Variants in DNAJC30 observed in about 807,000 individuals in gnomAD.
The protein encoded by DNAJC30 is dnaJ homolog subfamily C member 30, mitochondrial.
A neutral mutation model predicts 15.4 loss-of-function variants in DNAJC30; 16 were observed. The observed-to-expected ratio is 1.04, with a 90% CI of 0.70 to 1.58. DNAJC30 has a LOEUF of 1.58. DNAJC30 is among the 40% of genes most tolerant of loss of function. The pLI is 0.00. For synonymous variants in DNAJC30, 161 were observed against 140.2 expected (o/e 1.15, Z -1.05); for missense variants, 352 against 320.9 (o/e 1.10, Z -0.74).
At position 73,682,784 on chromosome 7, in the gene DNAJC30, G is replaced by A. The variant is rs568368328; in HGVS notation, c.640C>T (p.Leu214Phe). 7 of 1,612,168 alleles carry A rather than the reference G, an allele frequency of 4.3e-6. No individual in the cohort carries two copies. The East Asian group carries it at 1.3e-4, about 31-fold the overall frequency. ...EDTRDTAAIF[L>F]IFSIFIIIGF... ...ATGATGATGAAGATTGAAAAGATGA[G>A]GAAAATGGCAGCCGTGTCTCGGGTA... is the stretch of plus-strand genomic sequence containing the variant. The change falls in exon 1 of 1, where the codon CTC (leucine) becomes TTC (phenylalanine). Residue 214 changes from leucine to phenylalanine, a missense_variant. Transcript: ENST00000395176.
chr7:73,682,649 A>G lies in DNAJC30; in HGVS notation c.*94T>C. 1 of 1,448,938 alleles carries G rather than the reference A, an allele frequency of 6.9e-7. No individual in the cohort carries two copies. Among genetic ancestry groups the G allele is most frequent in the South Asian group, 1.4e-5 (1 of 71,796 alleles). The allele number at this position is 1,448,938 out of a possible 1,614,324, so 89.8% of individuals were successfully genotyped here. Reference sequence around the variant, plus strand: ...GTACAGTTCCTTCGGATCCCAGCAAAGGTAGACTATCAATGGCCAAGGGTT... The same window carrying G: ...GTACAGTTCCTTCGGATCCCAGCAAGGGTAGACTATCAATGGCCAAGGGTT... On this transcript the variant is annotated 3_prime_UTR_variant, in exon 1 of 1. Coordinates refer to ENST00000395176, the MANE Select transcript of DNAJC30 (RefSeq NM_032317.3).
chr7:73,682,687 A>G lies in DNAJC30; in HGVS notation c.*56T>C, dbSNP rs1554611471. ...ATGGCCAAGGGTTCAGAGGCAGGAA[A>G]AAAGGCCGTTTCTGGGGGGTTGGCT... On this transcript the variant is annotated 3_prime_UTR_variant, in exon 1 of 1. Transcript: ENST00000395176. The G allele has an allele frequency of 1.3e-6, 2 of 1,541,068 alleles. No individual in the cohort carries two copies. The highest frequency in any genetic ancestry group is 1.2e-5 in the South Asian group (1 of 80,072).
At position 73,683,450 on chromosome 7, in the gene DNAJC30, A is replaced by G. The variant is rs1195369213; in HGVS notation, c.-27T>C. The G allele has an allele frequency of 1.2e-6, 2 of 1,607,904 alleles. No individual in the cohort carries two copies. The highest frequency in any genetic ancestry group is 1.7e-6 in the Non-Finnish European group (2 of 1,177,630). On this transcript the variant is annotated 5_prime_UTR_variant, in exon 1 of 1. Transcript: ENST00000395176. ...TTGAATTGATTCGGCAGGCGGTGCAAGAGAAACCGGCCAATGAGAGGAGTC... is the reference window on the plus strand; with the variant it reads ...TTGAATTGATTCGGCAGGCGGTGCAGGAGAAACCGGCCAATGAGAGGAGTC...
rs1554611717 is a variant in DNAJC30, at chr7:73,683,160, G to A, written c.264C>T (p.Ala88=). 6.2e-7 allele frequency: 1 copy of A among 1,614,172 alleles called. No homozygotes were observed. Among genetic ancestry groups the A allele is most frequent in the Non-Finnish European group, 8.5e-7 (1 of 1,180,032 alleles). The change falls in exon 1 of 1, where the codon GCC becomes GCT. Residue 88 remains alanine (A), a synonymous_variant. Transcript: ENST00000395176. ...PDRNSGSAEA[A]ERFTRISQAY... ...CCTGGGAGATGCGCGTGAAGCGCTC[G>A]GCGGCCTCCGCGCTCCCGGAGTTGC...
In DNAJC30 at chr7:73,682,809, A is replaced by G. The variant is rs1251255070; in HGVS notation, c.615T>C (p.Asp205=). 3.1e-6 allele frequency: 5 copies of G among 1,613,652 alleles called. No homozygotes were observed. The highest frequency in any genetic ancestry group is 3.4e-6 in the Non-Finnish European group (4 of 1,179,804). ...YRSMKGLRWE[D]TRDTAAIFLI... ...GGAAAATGGCAGCCGTGTCTCGGGT[A>G]TCCTCCCAGCGGAGGCCTTTCATGG... The change falls in exon 1 of 1, where the codon GAT becomes GAC. Residue 205 remains aspartate (D), a synonymous_variant. Transcript: ENST00000395176.
rs1797700770 is a variant in DNAJC30, at chr7:73,681,269, T to C, written c.*1474A>G. On this transcript the variant is annotated 3_prime_UTR_variant, in exon 1 of 1. Coordinates refer to ENST00000395176, the MANE Select transcript of DNAJC30 (RefSeq NM_032317.3). ...TCAGCAGCAGCTCTGACCAAAGTGA[T>C]GACCAACTACTTAACATGAATTAGA... is the stretch of plus-strand genomic sequence containing the variant. 6.6e-6 allele frequency: 1 copy of C among 152,232 alleles called. No homozygotes were observed. The highest frequency in any genetic ancestry group is 2.4e-5 in the African/African-American group (1 of 41,440). 9.4% of individuals were successfully genotyped at this position (152,232 alleles called of 1,614,324 possible).
chr7:73,682,957 C>T lies in DNAJC30; in HGVS notation c.467G>A (p.Gly156Asp), dbSNP rs1797761869. Residue 156 changes from glycine (G) to aspartate (D), a missense_variant, in exon 1 of 1, where the codon GGC becomes GAC. Gly to Asp is a moderately conservative substitution (Grantham distance 94). Transcript: ENST00000395176. Reference sequence around the variant, plus strand: ...AAAGTTGAACATCGTGCGGTTGGCGCCGGGGGAGGCCCGAGAACCGTCGTG... The same window carrying T: ...AAAGTTGAACATCGTGCGGTTGGCGTCGGGGGAGGCCCGAGAACCGTCGTG... ...RTHDGSRASP[G>D]ANRTMFNFDA... The T allele has an allele frequency of 1.2e-6, 2 of 1,609,346 alleles. No individual in the cohort carries two copies. Among genetic ancestry groups the T allele is most frequent in the South Asian group, 1.1e-5 (1 of 90,936 alleles).
chr7:73,683,172 G>T lies in DNAJC30; in HGVS notation c.252C>A (p.Ser84Arg). Residue 84 changes from serine to arginine, a missense_variant, in exon 1 of 1, where the codon AGC (serine) becomes AGA (arginine). Ser to Arg is a moderately radical substitution (Grantham distance 110, BLOSUM62 -1). Coordinates refer to ENST00000395176, the MANE Select transcript of DNAJC30 (RefSeq NM_032317.3). The stretch of plus-strand genomic sequence containing the variant: ...GCGTGAAGCGCTCGGCGGCCTCCGC[G>T]CTCCCGGAGTTGCGGTCCGGGTGGT... Reference protein sequence around the residue: ...FLYHPDRNSGSAEAAERFTRI... With the variant: ...FLYHPDRNSGRAEAAERFTRI... The T allele has an allele frequency of 6.2e-7, 1 of 1,614,198 alleles. No homozygotes were observed. The highest frequency in any genetic ancestry group is 8.5e-7 in the Non-Finnish European group (1 of 1,180,044).
In DNAJC30 at chr7:73,682,856, G is replaced by A. The variant is rs1233196079; in HGVS notation, c.568C>T (p.Arg190Cys). The A allele has an allele frequency of 4.3e-6, 7 of 1,613,958 alleles. No individual in the cohort carries two copies. The highest frequency in any genetic ancestry group is 5.9e-6 in the Non-Finnish European group (7 of 1,180,052). ...RRLRARREALRKRQEYRSMKG... is the reference protein window; with the variant it reads ...RRLRARREALCKRQEYRSMKG... ...ATGGACCGATACTCCTGCCGTTTGC[G>A]AAGGGCCTCCCGCCGGGCCCTCAGG... The change falls in exon 1 of 1, where the codon CGC becomes TGC. Residue 190 changes from arginine to cysteine, a missense_variant. By Grantham distance (180) the Arg-to-Cys change is radical. Coordinates refer to ENST00000395176, the MANE Select transcript of DNAJC30 (RefSeq NM_032317.3).
rs1554611623 is a variant in DNAJC30 at position 73,682,978 on chromosome 7, T to C, written c.446A>G (p.Asp149Gly). 5 of 1,603,628 alleles carry C rather than the reference T, an allele frequency of 3.1e-6. No individual in the cohort carries two copies. Among genetic ancestry groups the C allele is most frequent in the Non-Finnish European group, 4.3e-6 (5 of 1,173,460 alleles). The change falls in exon 1 of 1, where the codon GAC (aspartate) becomes GGC (glycine). Residue 149 changes from aspartate to glycine, a missense_variant. Transcript: ENST00000395176. ...GGCGCCGGGGGAGGCCCGAGAACCG[T>C]CGTGGGTCCGAGAGGTGGGCGGCGG... ...RTPPPTSRTH[D>G]GSRASPGANR...
rs1307527767 is a variant in DNAJC30 at position 73,683,021 on chromosome 7, G to A, written c.403C>T (p.Pro135Ser). ...GGCGGCGGGGTACGCGGCGAGCCGG[G>A]GTCGGGTGCGGGCGTCCTGGAGGGC... ...VRPSRTPAPD[P>S]GSPRTPPPTS... is the part of the protein sequence containing the mutation. Residue 135 changes from proline to serine, a missense_variant, in exon 1 of 1, where the codon CCC becomes TCC. Coordinates refer to ENST00000395176, the MANE Select transcript of DNAJC30 (RefSeq NM_032317.3). 4 of 1,587,908 alleles carry A rather than the reference G, an allele frequency of 2.5e-6. No individual in the cohort carries two copies. Among genetic ancestry groups the A allele is most frequent in the Non-Finnish European group, 2.6e-6 (3 of 1,165,112 alleles).
At position 73,683,427 on chromosome 7, in the gene DNAJC30, G is replaced by C. The variant is rs1166604204; in HGVS notation, c.-4C>G. Reference sequence around the variant, plus strand: ...ATCGCCAGCGCATGGCTGCCATGTTGAATTGATTCGGCAGGCGGTGCAAGA... The same window carrying C: ...ATCGCCAGCGCATGGCTGCCATGTTCAATTGATTCGGCAGGCGGTGCAAGA... On this transcript the variant is annotated 5_prime_UTR_variant, in exon 1 of 1. Coordinates refer to ENST00000395176, the MANE Select transcript of DNAJC30 (RefSeq NM_032317.3). 1 of 1,610,084 alleles carries C rather than the reference G, an allele frequency of 6.2e-7. No individual in the cohort carries two copies. The highest frequency in any genetic ancestry group is 8.5e-7 in the Non-Finnish European group (1 of 1,178,116).
Position 73,682,857 on chromosome 7 carries a change from A to AAG in DNAJC30, c.565_566dup (p.Arg190PhefsTer10). On this transcript the variant is annotated frameshift_variant, in exon 1 of 1. Transcript: ENST00000395176. LOFTEE classifies it high-confidence loss of function. ...TGGACCGATACTCCTGCCGTTTGCG[A>AAG]AGGGCCTCCCGCCGGGCCCTCAGGC... is the stretch of plus-strand genomic sequence containing the variant. 6.2e-7 allele frequency: 1 copy of AAG among 1,614,068 alleles called. No individual in the cohort carries two copies. Among genetic ancestry groups the AAG allele is most frequent in the Non-Finnish European group, 8.5e-7 (1 of 1,180,042 alleles).
At position 73,683,377 on chromosome 7, in the gene DNAJC30, C is replaced by A. The variant is rs372802796; in HGVS notation, c.47G>T (p.Arg16Met). 11 of 1,612,910 alleles carry A rather than the reference C, an allele frequency of 6.8e-6. No individual in the cohort carries two copies. Among genetic ancestry groups the A allele is most frequent in the African/African-American group, 6.7e-5 (5 of 74,962 alleles). ...TGGAAAGCCACGGGCCTGCAGCAAC[C>A]TCCAAGGTAACAGCCGCTGCCACCA... ...WRWWQRLLPW[R>M]LLQARGFPQN... The change falls in exon 1 of 1, where the codon AGG becomes ATG. Residue 16 changes from arginine (R) to methionine (M), a missense_variant. Arg to Met is a moderately conservative substitution (Grantham distance 91). Transcript: ENST00000395176.
chr7:73,682,901 G>A lies in DNAJC30; in HGVS notation c.523C>T (p.Gln175Ter). 4 of 1,614,114 alleles carry A rather than the reference G, an allele frequency of 2.5e-6. No homozygotes were observed. The South Asian group carries it at 4.4e-5, about 18-fold the overall frequency. The change falls in exon 1 of 1, where the codon CAA (glutamine) becomes TAA (stop). Residue 175 changes from glutamine (Q) to a stop codon, truncating the protein, a stop_gained. Transcript: ENST00000395176. LOFTEE classifies it high-confidence loss of function. ...CTCAGGCGCCGTTCCCGCTCCAGTT[G>A]TTCCCCGTAGTGGGCCTGGTAGAAG... ...DAFYQAHYGE[Q>*]LERERRLRAR...
chr7:73,682,849 C>T lies in DNAJC30; in HGVS notation c.575G>A (p.Arg192Gln), dbSNP rs1276001598. 6.2e-7 allele frequency: 1 copy of T among 1,614,018 alleles called. No individual in the cohort carries two copies. The highest frequency in any genetic ancestry group is 1.3e-5 in the African/African-American group (1 of 74,962). The change falls in exon 1 of 1, where the codon CGG becomes CAG. Residue 192 changes from arginine (R) to glutamine (Q), a missense_variant. Transcript: ENST00000395176. The part of the protein sequence containing the change: ...LRARREALRK[R>Q]QEYRSMKGLR... ...GCCTTTCATGGACCGATACTCCTGC[C>T]GTTTGCGAAGGGCCTCCCGCCGGGC...
Position 73,681,497 on chromosome 7 carries a change from G to C in DNAJC30, c.*1246C>G, listed in dbSNP as rs1387734595. 2 of 152,364 alleles carry C rather than the reference G, an allele frequency of 1.3e-5. No homozygotes were observed. The highest frequency in any genetic ancestry group is 3.4e-3 in the Middle Eastern group (1 of 296). The allele number at this position is 152,364 out of a possible 1,614,324, so 9.4% of individuals were successfully genotyped here. A position where few individuals can be genotyped will look rare whatever the true frequency, so the allele number is the denominator to read the frequency against. ...CACTGCAAGTTAAACAGAAACAGGGGACTTAAGTGCAGAGTTTGTCACTCT... is the reference window on the plus strand; with the variant it reads ...CACTGCAAGTTAAACAGAAACAGGGCACTTAAGTGCAGAGTTTGTCACTCT... On this transcript the variant is annotated 3_prime_UTR_variant, in exon 1 of 1. Transcript: ENST00000395176.
rs573623501 is a variant in DNAJC30 at position 73,682,424 on chromosome 7, T to C, written c.*319A>G. The C allele has an allele frequency of 3.8e-5, 10 of 260,342 alleles. 1 individual carries two copies. The South Asian group carries it at 1.2e-3, about 31-fold the overall frequency. 16.1% of individuals were successfully genotyped at this position (260,342 alleles called of 1,614,324 possible). A position where few individuals can be genotyped will look rare whatever the true frequency, so the allele number is the denominator to read the frequency against. ...AAAGCTACAGCGAGTGTTCCAGAAG[T>C]TGACCACATCTGGAAGCAAGAAGAC... is the stretch of plus-strand genomic sequence containing the variant. On this transcript the variant is annotated 3_prime_UTR_variant, in exon 1 of 1. Transcript: ENST00000395176.
Position 73,683,427 on chromosome 7 carries a change from G to A in DNAJC30, c.-4C>T, listed in dbSNP as rs1166604204. ...ATCGCCAGCGCATGGCTGCCATGTT[G>A]AATTGATTCGGCAGGCGGTGCAAGA... On this transcript the variant is annotated 5_prime_UTR_variant, in exon 1 of 1. Coordinates refer to ENST00000395176, the MANE Select transcript of DNAJC30 (RefSeq NM_032317.3). 6.2e-7 allele frequency: 1 copy of A among 1,610,084 alleles called. No homozygotes were observed. Among genetic ancestry groups the A allele is most frequent in the Non-Finnish European group, 8.5e-7 (1 of 1,178,116 alleles).
Sources: gnomAD v4.1 joint callset for allele counts on GRCh38, gnomAD v4.1.1 for gene constraint, MANE v1.5 for transcripts, NCBI Gene and HGNC (gene_info 2026-07-23, HGNC 2026-07-21) for gene names.